DGKB: variants seen among roughly 807,000 people sequenced by gnomAD.
The protein encoded by DGKB is diacylglycerol kinase beta, also known as 90 kDa diacylglycerol kinase.
Under a neutral mutation model 114.3 loss-of-function variants are expected in DGKB, and 67 were observed. That is an observed-to-expected ratio of 0.59 (90% CI 0.48 to 0.72). The LOEUF is 0.72. Ranked by LOEUF, DGKB falls within the 30% of genes least tolerant of loss-of-function variation. The pLI, the probability that DGKB is intolerant of heterozygous loss-of-function variation, is 0.00. For synonymous variants in DGKB, 398 were observed against 323.1 expected, an observed-to-expected ratio of 1.23 and a Z score of -2.49; for missense variants, 907 against 975.2, an observed-to-expected ratio of 0.93 and a Z score of 0.93.
chr7:14,425,755 C>A (rs1411268151), intron 21 of DGKB, among the ~76,000 whole-genome samples: 1 of 152,114 alleles, frequency 6.6e-6, no homozygotes, highest in Admixed American at 6.6e-5. Context: ...ATGTCATTGA[C>A]ATTATCTTAT....
intron 21 of DGKB, among the ~76,000 whole-genome samples, chr7:14,429,538 A>G (rs1180937870): frequency 6.6e-6 from 1 of 152,136 alleles, no homozygotes; most frequent in Non-Finnish European, 1.5e-5. Context: ...AGGTGCCTTT[A>G]GTTCTGGTAG....
intron 9 of DGKB, among the ~76,000 whole-genome samples, chr7:14,687,580 A>G (rs1013792192): frequency 6.6e-6 from 1 of 152,208 alleles, no homozygotes; most frequent in African/African-American, 2.4e-5. Flanking sequence ...ATCCCCTCAA[A>G]TAATATTTAA....
At chr7:14,888,285 T>A (rs1780633624) in intron 1 of DGKB, among the ~76,000 whole-genome samples, 1 of 151,682 alleles carries the variant, frequency 6.6e-6, no homozygotes, top group Admixed American at 6.6e-5. Context: ...CATGATACAG[T>A]AGATACTATT....
At chr7:14,235,796 T>C (rs1029700253) in intron 23 of DGKB, among the ~76,000 whole-genome samples, 3 of 152,054 alleles carry the variant, frequency 2.0e-5, no homozygotes, top group Non-Finnish European at 4.4e-5. Flanking sequence ...AGACAATGTA[T>C]TGATGTTTAG....
chr7:14,530,766 C>T (rs1402125985), intron 20 of DGKB, among the ~76,000 whole-genome samples: 1 of 151,478 alleles, frequency 6.6e-6, no homozygotes, highest in African/African-American at 2.4e-5. Flanking sequence ...TTTCCTTTGT[C>T]TCTCATTTCT....
At chr7:14,721,552 A>C (rs576461774) in intron 5 of DGKB, among the ~76,000 whole-genome samples, 1 of 152,156 alleles carries the variant, frequency 6.6e-6, no homozygotes, top group Non-Finnish European at 1.5e-5. Context: ...AAGCTGTATC[A>C]TGTATTTATT....
chr7:14,659,509 T>A (rs994235606), intron 13 of DGKB, among the ~76,000 whole-genome samples: 2 of 149,762 alleles, frequency 1.3e-5, no homozygotes, highest in Admixed American at 1.4e-4. Context: ...GAATGGGAGT[T>A]CACTCATGAT....
intron 23 of DGKB, among the ~76,000 whole-genome samples, chr7:14,180,385 CTTTCT>C (rs1409237932): frequency 1.3e-5 from 2 of 152,068 alleles, no homozygotes; most frequent in Non-Finnish European, 2.9e-5. Context: ...TGATTTTTTT[CTTTCT>C]TTTAATTTGT....
intron 1 of DGKB, among the ~76,000 whole-genome samples, chr7:14,961,918 TCTA>T (rs1786867067): frequency 1.3e-5 from 2 of 152,080 alleles, no homozygotes; most frequent in African/African-American, 4.8e-5. Flanking sequence ...GCAGAAATGA[TCTA>T]CTAGTAACAC....
intron 13 of DGKB, among the ~76,000 whole-genome samples, chr7:14,649,457 T>G (rs1434617107): frequency 6.6e-6 from 1 of 151,170 alleles, no homozygotes; most frequent in African/African-American, 2.4e-5. Flanking sequence ...AGAGATTTTG[T>G]CACCACCAGG....
chr7:14,764,047 C>G (rs960280964), intron 2 of DGKB, among the ~76,000 whole-genome samples: 4 of 151,872 alleles, frequency 2.6e-5, no homozygotes, highest in African/African-American at 9.7e-5. Flanking sequence ...CCCCACATAG[C>G]TTTTTCCTCT....
At chr7:14,807,898 C>A (rs1358629394) in intron 2 of DGKB, among the ~76,000 whole-genome samples, 2 of 151,844 alleles carry the variant, frequency 1.3e-5, no homozygotes, top group African/African-American at 4.8e-5. Context: ...CATTTGTGGT[C>A]ATTTATATTT....
At chr7:14,535,378 G>GAAAAAAAA (rs111762380) in intron 20 of DGKB, among the ~76,000 whole-genome samples, 16 of 123,480 alleles carry the variant, frequency 1.3e-4, no homozygotes, top group East Asian at 4.4e-4. Flanking sequence ...CTTAAAAAAA[G>GAAAAAAAA]AAAAAAAAAA....
chr7:14,841,045 G>A, intron 2 of DGKB, 149 bp downstream of exon 2: 1 of 595,408 alleles, frequency 1.7e-6, no homozygotes, highest in South Asian at 2.8e-5. Flanking sequence ...CAAAAAGGTA[G>A]TCTCAAGTCA....
At position 14,720,110 on chromosome 7, in the gene DGKB, ACACG is replaced by A. The variant is rs151217851; in HGVS notation, c.323-1429_323-1426del. 5.7e-3 allele frequency among the ~76,000 whole-genome samples: 797 copies of A among 139,628 alleles called. 4 individuals are homozygous for A. The highest frequency in any genetic ancestry group is 0.018 in the African/African-American group (740 of 40,558). 91.6% of individuals were successfully genotyped at this position (139,628 alleles called of 152,430 possible). A position where few individuals can be genotyped will look rare whatever the true frequency, so the allele number is the denominator to read the frequency against. On this transcript the variant is annotated intron_variant, in intron 5 of 25. Coordinates refer to ENST00000402815, the MANE Select transcript of DGKB (RefSeq NM_001350709.2). Reference sequence around the variant, plus strand: ...CACACACACACGCACGCACGCACACACACGCACACACACATTAGTGGGATTCATA... The same window carrying A: ...CACACACACACGCACGCACGCACACACACACACACATTAGTGGGATTCATA...
intron 17 of DGKB, among the ~76,000 whole-genome samples, chr7:14,600,343 G>A (rs2128762572): frequency 6.6e-6 from 1 of 152,140 alleles, no homozygotes; most frequent in Non-Finnish European, 1.5e-5. Flanking sequence ...ATAAATTTTG[G>A]AGAGACACAA....
At chr7:14,433,347 A>C (rs1425832680) in intron 21 of DGKB, among the ~76,000 whole-genome samples, 2 of 152,146 alleles carry the variant, frequency 1.3e-5, no homozygotes, top group African/African-American at 2.4e-5. Context: ...CTTGCATGCA[A>C]ATTTCCATAT....
At chr7:14,866,213 C>T (rs7788248) in intron 1 of DGKB, among the ~76,000 whole-genome samples, 28,600 of 152,070 alleles carry the variant, frequency 0.19, 2,960 homozygotes, top group East Asian at 0.29. Flanking sequence ...TTTTAAAATT[C>T]CCCACCAGAG....
At position 14,152,035 on chromosome 7, in the gene DGKB, C is replaced by T. The variant is rs570187870; in HGVS notation, c.2305-2797G>A. Among the ~76,000 whole-genome samples the T allele has an allele frequency of 1.9e-4, 29 of 152,092 alleles. No individual in the cohort carries two copies. In the South Asian group the frequency reaches 5.8e-3, roughly 31 times the overall value. On this transcript the variant is annotated intron_variant, in intron 25 of 25. Transcript: ENST00000402815. ...ACTCAGGTTGCTCATGTGGGAAAAT[C>T]CTGGTTACGGGGGGTTAACAGGGCC...
Sources: allele counts gnomAD v4.1 joint callset (sites outside exome capture counted in the v4.1 genomes callset), GRCh38; gene constraint gnomAD v4.1.1; transcripts MANE v1.5; gene names NCBI Gene and HGNC (gene_info 2026-07-23, HGNC 2026-07-21).